The following CYRIB variants were observed in gnomAD, a reference collection of about 807,000 sequenced individuals.
CYRIB encodes the protein CYFIP related Rac1 interactor B, also known as CYFIP-related Rac1 interactor B.
In CYRIB, 8 loss-of-function variants were observed where a neutral mutation model predicts 44.2. The ratio of observed to expected loss-of-function variants is 0.18; its 90% CI spans 0.11 to 0.33. The LOEUF (loss-of-function observed/expected upper bound fraction) is 0.33, where lower values mean the gene tolerates loss of function less well. Ranked by LOEUF, CYRIB falls within the 10% of genes least tolerant of loss-of-function variation. The probability of loss-of-function intolerance (pLI) is 1.00; values close to 1 mark genes in which losing one functional copy is unlikely to be tolerated. For missense variants in CYRIB, 185 were observed against 382.8 expected (o/e 0.48, Z 4.31); for synonymous variants, 131 against 127.2 (o/e 1.03, Z -0.20).
chr8:129,989,479 T>C (rs2096567039), intron 1 of CYRIB, among the ~76,000 whole-genome samples: 1 of 152,154 alleles, frequency 6.6e-6, no homozygotes, highest in Non-Finnish European at 1.5e-5. Context: ...AATCAACACG[T>C]AAGGGGCACT....
exon 12 of CYRIB, chr8:129,840,271 G>C (rs571833243): frequency 2.6e-5 from 4 of 152,618 alleles, no homozygotes; most frequent in African/African-American, 9.6e-5. Flanking sequence ...TGTTTTCCTA[G>C]CTTCTAGTGA....
intron 2 of CYRIB, among the ~76,000 whole-genome samples, chr8:129,884,266 A>G (rs2061864528): frequency 6.6e-6 from 1 of 152,174 alleles, no homozygotes; most frequent in Admixed American, 6.5e-5. Context: ...GAATAAATAC[A>G]TTTGATATGA....
At chr8:129,898,092 TTG>T (rs1015281350) in intron 2 of CYRIB, among the ~76,000 whole-genome samples, 2 of 9,574 alleles carry the variant, frequency 2.1e-4, no homozygotes, top group African/African-American at 3.7e-4. Context: ...TTAAGTTTTT[TTG>T]TTTTTTTTTT....
At chr8:130,003,027 G>A (rs918806479) in intron 1 of CYRIB, among the ~76,000 whole-genome samples, 19 of 152,218 alleles carry the variant, frequency 1.2e-4, no homozygotes, top group Admixed American at 9.2e-4. Context: ...GTGAGTATCT[G>A]TAATTACTCC....
intron 1 of CYRIB, among the ~76,000 whole-genome samples, chr8:129,934,313 G>T (rs1387813586): frequency 6.6e-6 from 1 of 152,160 alleles, no homozygotes; most frequent in Admixed American, 6.5e-5. Flanking sequence ...TAACAATGCG[G>T]TAAATCAATG....
intron 1 of CYRIB, among the ~76,000 whole-genome samples, chr8:129,923,687 A>T (rs2085340031): frequency 6.6e-6 from 1 of 152,106 alleles, no homozygotes; most frequent in Non-Finnish European, 1.5e-5. Context: ...ATTGTTGGCT[A>T]TACTAAAGAT....
In CYRIB at chr8:129,998,670, C is replaced by T. The variant is rs759303650; in HGVS notation, c.-296+17700G>A. On this transcript the variant is annotated intron_variant, in intron 1 of 14. Transcript: ENST00000401979. ...TTTTTTAGATGAATTCTTGCTCTGTCGTCCAGGGTGGAGTGCAGTGGCATG... is the reference window on the plus strand; with the variant it reads ...TTTTTTAGATGAATTCTTGCTCTGTTGTCCAGGGTGGAGTGCAGTGGCATG... Among the ~76,000 whole-genome samples the T allele has an allele frequency of 3.3e-5, 5 of 150,590 alleles. No homozygotes were observed. The South Asian group carries it at 6.3e-4, about 19-fold the overall frequency.
exon 2 of CYRIB, chr8:129,903,321 G>A (rs1475658842): frequency 6.6e-6 from 1 of 152,444 alleles, no homozygotes; most frequent in Non-Finnish European, 1.5e-5. Context: ...CCTTCAGCCA[G>A]TGCTGGTGAT....
At chr8:129,945,420 AC>A (rs1417930176) in intron 2 of CYRIB, among the ~76,000 whole-genome samples, 1 of 151,878 alleles carries the variant, frequency 6.6e-6, no homozygotes, top group Non-Finnish European at 1.5e-5. Context: ...AGTTTCCCCC[AC>A]AAGTTTGTTA....
chr8:129,986,384 A>G (rs1403134186), intron 1 of CYRIB, among the ~76,000 whole-genome samples: 1 of 152,166 alleles, frequency 6.6e-6, no homozygotes, highest in Non-Finnish European at 1.5e-5. Flanking sequence ...AAGTCTCCCT[A>G]GCCAGGTGCT....
intron 1 of CYRIB, among the ~76,000 whole-genome samples, chr8:129,998,866 A>G (rs2096842764): frequency 6.6e-6 from 1 of 152,096 alleles, no homozygotes; most frequent in Non-Finnish European, 1.5e-5. Context: ...TCCTGACCTC[A>G]AGTGAAATAT....
chr8:129,869,494 C>T (rs1203355633), intron 4 of CYRIB, among the ~76,000 whole-genome samples: 1 of 150,932 alleles, frequency 6.6e-6, no homozygotes, highest in Non-Finnish European at 1.5e-5. Flanking sequence ...AATGACCTAA[C>T]ACTTATAAAC....
intron 1 of CYRIB, among the ~76,000 whole-genome samples, chr8:130,011,661 CAAAA>C (rs545602036): frequency 7.0e-6 from 1 of 143,882 alleles, no homozygotes; most frequent in Admixed American, 7.0e-5. Context: ...ACTAAAAATA[CAAAA>C]AAAAAAGAAA....
Position 129,936,954 on chromosome 8 carries a change from G to A in CYRIB, c.-50+2654C>T, listed in dbSNP as rs368411294. 3.9e-5 allele frequency among the ~76,000 whole-genome samples: 6 copies of A among 152,068 alleles called. No individual in the cohort carries two copies. The East Asian group carries it at 5.8e-4, about 15-fold the overall frequency. Reference sequence around the variant, plus strand: ...GATCTCCTGACCTCGTGATCCGCCCGCCTCGGCCTCCCAAAGTGTTGGGAT... The same window carrying A: ...GATCTCCTGACCTCGTGATCCGCCCACCTCGGCCTCCCAAAGTGTTGGGAT... On this transcript the variant is annotated intron_variant, in intron 1 of 11. Coordinates refer to ENST00000519824, the Ensembl canonical transcript of CYRIB.
At chr8:129,930,839 A>G (rs1242319044) in intron 1 of CYRIB, among the ~76,000 whole-genome samples, 1 of 152,188 alleles carries the variant, frequency 6.6e-6, no homozygotes, top group Non-Finnish European at 1.5e-5. Context: ...GCAACTGAGA[A>G]CTAGCTCCAC....
At chr8:129,982,535 A>C (rs911112743) in intron 1 of CYRIB, among the ~76,000 whole-genome samples, 1 of 152,214 alleles carries the variant, frequency 6.6e-6, no homozygotes, top group Admixed American at 6.5e-5. Flanking sequence ...AGCCAGACAG[A>C]CCTTGATCCA....
chr8:129,996,657 C>T (rs2096772986), intron 1 of CYRIB, among the ~76,000 whole-genome samples: 1 of 152,148 alleles, frequency 6.6e-6, no homozygotes, highest in African/African-American at 2.4e-5. Flanking sequence ...TGGGTCTCTG[C>T]ACTCACTCTC....
chr8:129,857,084 C>T (rs1254296786), intron 5 of CYRIB, among the ~76,000 whole-genome samples: 1 of 152,178 alleles, frequency 6.6e-6, no homozygotes, highest in African/African-American at 2.4e-5. Flanking sequence ...CATGTAATAA[C>T]TCTAAATGAC....
intron 1 of CYRIB, among the ~76,000 whole-genome samples, chr8:129,925,086 T>C (rs1018054424): frequency 1.3e-5 from 2 of 152,148 alleles, no homozygotes; most frequent in Non-Finnish European, 2.9e-5. Flanking sequence ...TCAGAGAGCT[T>C]AGACACTTTC....
Sources: allele counts gnomAD v4.1 joint callset (sites outside exome capture counted in the v4.1 genomes callset), GRCh38; gene constraint gnomAD v4.1.1; transcripts MANE v1.5; gene names NCBI Gene and HGNC (gene_info 2026-07-23, HGNC 2026-07-21).